SASH1: variants seen among roughly 807,000 people sequenced by gnomAD.
SASH1 encodes the protein SAM and SH3 domain containing 1.
SASH1 carries 44 observed loss-of-function variants against 125.2 expected under a neutral mutation model. The observed-to-expected ratio is 0.35, with a 90% CI of 0.28 to 0.45. The LOEUF (loss-of-function observed/expected upper bound fraction) is 0.45. Among genes scored for constraint, SASH1 ranks in the 20% least tolerant of loss-of-function variants. The probability of loss-of-function intolerance (pLI) is 1.00; values close to 1 mark genes in which losing one functional copy is unlikely to be tolerated. For missense variants in SASH1, 1,426 were observed against 1,614.5 expected, an observed-to-expected ratio of 0.88 and a Z score of 2.00; for synonymous variants, 639 against 649.1, an observed-to-expected ratio of 0.98 and a Z score of 0.24.
intron 1 of SASH1, among the ~76,000 whole-genome samples, chr6:148,352,411 A>G (rs1583006001): frequency 6.6e-6 from 1 of 152,072 alleles, no homozygotes. Context: ...ACCCTGGCCA[A>G]CATAGTGAAA....
chr6:148,289,746 A>C (rs1779576390), intron 1 of SASH1, among the ~76,000 whole-genome samples: 1 of 152,176 alleles, frequency 6.6e-6, no homozygotes, highest in Non-Finnish European at 1.5e-5. Flanking sequence ...CCCCTTTGAT[A>C]AATAACCAGA....
intron 1 of SASH1, among the ~76,000 whole-genome samples, chr6:148,327,866 A>G (rs377132965): frequency 6.6e-6 from 1 of 150,468 alleles, no homozygotes. Context: ...ACTTGAACCC[A>G]GGAGGTGGAG....
chr6:148,204,974 T>A, the SASH1 span, among the ~76,000 whole-genome samples: 1 of 152,298 alleles, frequency 6.6e-6, no homozygotes, highest in South Asian at 2.1e-4. Flanking sequence ...GTGACCCACA[T>A]CAATGAGCAT....
Position 148,390,218 on chromosome 6 carries a change from A to T in SASH1, c.241A>T (p.Met81Leu), listed in dbSNP as rs762632365. The T allele has an allele frequency of 6.2e-7, 1 of 1,612,910 alleles. No homozygotes were observed. The change falls in exon 2 of 20, where the codon ATG becomes TTG. Residue 81 changes from methionine (M) to leucine (L), a missense_variant. Physicochemically the swap from Met to Leu is conservative, Grantham distance 15. Coordinates refer to ENST00000367467, the MANE Select transcript of SASH1 (RefSeq NM_015278.5). ...CTGTTTCTCCGACGTGTGCGAGAGG[A>T]TGGAGGAGCTGCGGAAACGGCGGGT... is the stretch of plus-strand genomic sequence containing the variant. ...NTCFSDVCER[M>L]EELRKRRVSQ...
At chr6:148,420,069 A>G (rs909286662) in intron 2 of SASH1, among the ~76,000 whole-genome samples, 17 of 152,210 alleles carry the variant, frequency 1.1e-4, no homozygotes, top group African/African-American at 4.1e-4. Flanking sequence ...TGAATAATGT[A>G]CCTTTAAATG....
intron 4 of SASH1, among the ~76,000 whole-genome samples, chr6:148,445,544 C>T (rs1038954335): frequency 5.3e-5 from 8 of 152,190 alleles, no homozygotes; most frequent in Non-Finnish European, 1.5e-5. Context: ...ATTCCTTAGA[C>T]ACATCTGAGT....
intron 1 of SASH1, chr6:148,283,308 T>G (rs1300484332): frequency 6.6e-6 from 1 of 152,270 alleles, no homozygotes; most frequent in Non-Finnish European, 1.5e-5. Flanking sequence ...GCTTGGGTCT[T>G]GAGACAGCTG....
chr6:148,393,435 A>G (rs904192886), intron 2 of SASH1, among the ~76,000 whole-genome samples: 1 of 152,062 alleles, frequency 6.6e-6, no homozygotes, highest in East Asian at 1.9e-4. Flanking sequence ...ACTGTGCTTG[A>G]GGAAATGATT....
intron 1 of SASH1, among the ~76,000 whole-genome samples, chr6:148,321,216 A>G (rs913945283): frequency 1.4e-5 from 2 of 144,630 alleles, no homozygotes; most frequent in Non-Finnish European, 3.0e-5. Context: ...ATGTGGTGAA[A>G]CACCATCTCT....
intron 7 of SASH1, among the ~76,000 whole-genome samples, chr6:148,482,688 ATTTTTT>A (rs200708826): frequency 1.0e-5 from 1 of 99,922 alleles, no homozygotes; most frequent in African/African-American, 4.4e-5. Context: ...CACCTGGCTA[ATTTTTT>A]TTTTTTTTTT....
At chr6:148,219,108 C>T in the SASH1 span, among the ~76,000 whole-genome samples, 1 of 152,096 alleles carries the variant, frequency 6.6e-6, no homozygotes, top group Non-Finnish European at 1.5e-5. Flanking sequence ...CACGCAGCAT[C>T]CTCACTTCTC....
At chr6:148,375,976 C>T (rs955621606) in intron 1 of SASH1, among the ~76,000 whole-genome samples, 1 of 152,190 alleles carries the variant, frequency 6.6e-6, no homozygotes, top group African/African-American at 2.4e-5. Context: ...AACTCATGCA[C>T]TGTACTTGGA....
In SASH1 at chr6:148,544,640, C is replaced by A; in HGVS notation, c.3170C>A (p.Pro1057Gln). The part of the protein sequence containing the change: ...QAPGSPPSTR[P>Q]PPWLSELPEN... ...CCTGGCAGCCCACCAAGCACAAGGC[C>A]GCCCCCCTGGCTCTCAGAGCTCCCC... Residue 1057 changes from proline to glutamine, a missense_variant, in exon 18 of 20, where the codon CCG becomes CAG. By Grantham distance (76) the Pro-to-Gln change is moderately conservative (BLOSUM62 -1). Coordinates refer to ENST00000367467, the MANE Select transcript of SASH1 (RefSeq NM_015278.5). The surrounding 1 kb of genome is among the most constrained non-coding windows in gnomAD (Gnocchi z 6.4). 1 of 1,613,400 alleles carries A rather than the reference C, an allele frequency of 6.2e-7. No individual in the cohort carries two copies. The highest frequency in any genetic ancestry group is 8.5e-7 in the Non-Finnish European group (1 of 1,179,828).
In SASH1 at chr6:148,474,102, A is replaced by G. The variant is rs56038320; in HGVS notation, c.515-8A>G. ...TCACTCCTGTTGTTCTTTGTCCTCA[A>G]TCTCCAGGAGAAGACGTTGGTTATG... is the stretch of plus-strand genomic sequence containing the variant. On this transcript the variant is annotated splice_region_variant and splice_polypyrimidine_tract_variant and intron_variant, in intron 6 of 19. Transcript: ENST00000367467. 3.1e-6 allele frequency: 5 copies of G among 1,589,946 alleles called. No homozygotes were observed. Among genetic ancestry groups the G allele is most frequent in the Non-Finnish European group, 3.4e-6 (4 of 1,160,778 alleles).
chr6:148,301,855 C>T (rs1018125684), intron 1 of SASH1, among the ~76,000 whole-genome samples: 9 of 150,978 alleles, frequency 6.0e-5, no homozygotes, highest in African/African-American at 2.2e-4. Context: ...CCTCGGCCTC[C>T]CAAAGTGCTG....
At chr6:148,408,175 C>T (rs1399155348) in intron 2 of SASH1, among the ~76,000 whole-genome samples, 1 of 122,936 alleles carries the variant, frequency 8.1e-6, no homozygotes, top group Non-Finnish European at 1.6e-5. Flanking sequence ...CAGAGTCTTG[C>T]TGTGTCACTG....
intron 1 of SASH1, among the ~76,000 whole-genome samples, chr6:148,300,054 T>A (rs1005489731): frequency 2.6e-5 from 4 of 152,174 alleles, no homozygotes; most frequent in African/African-American, 4.8e-5. Flanking sequence ...GTAAATTGCT[T>A]TTGGGTAGAA....
chr6:148,209,880 T>TA, the SASH1 span, among the ~76,000 whole-genome samples: 1 of 152,148 alleles, frequency 6.6e-6, no homozygotes, highest in Non-Finnish European at 1.5e-5. Flanking sequence ...TACTCTGTTA[T>TA]AGGCAAAAAA....
intron 6 of SASH1, 111 bp from the exon 7 acceptor site, chr6:148,473,999 A>G (rs1049428445): frequency 1.3e-5 from 9 of 709,466 alleles, no homozygotes; most frequent in Non-Finnish European, 2.2e-5. Flanking sequence ...CAACATACAT[A>G]GTGTCCTGAG....
Sources: gnomAD v4.1 joint callset for allele counts (sites outside exome capture counted in the v4.1 genomes callset) on GRCh38, gnomAD v4.1.1 for gene constraint, Gnocchi (gnomAD v3.1) non-coding constraint, MANE v1.5 for transcripts, NCBI Gene and HGNC (gene_info 2026-07-23, HGNC 2026-07-21) for gene names.